Variants in TLE4 observed in about 807,000 individuals in gnomAD.
TLE4 encodes transducin-like enhancer protein 4.
In TLE4, 8 loss-of-function variants were observed where a neutral mutation model predicts 92.8. That is an observed-to-expected ratio of 0.09 (90% CI 0.05 to 0.16). The LOEUF is 0.16. Ranked by LOEUF, TLE4 falls within the 10% of genes least tolerant of loss-of-function variation. TLE4 has a pLI of 1.00. For missense variants in TLE4, 675 were observed against 997.6 expected, an observed-to-expected ratio of 0.68 and a Z score of 4.36; for synonymous variants, 371 against 374.1, an observed-to-expected ratio of 0.99 and a Z score of 0.10.
Position 79,722,994 on chromosome 9 carries a change from C to T in TLE4, c.2173C>T (p.Leu725=). Residue 725 remains leucine, a synonymous_variant, in exon 19 of 20, where the codon CTG becomes TTG. Transcript: ENST00000376552. ...WFVSTGKDNL[L]NAWRTPYGAS... ...TGTAAGCACTGGAAAGGACAACCTTCTGAATGCCTGGAGAACACCTTATGG... is the reference window on the plus strand; with the variant it reads ...TGTAAGCACTGGAAAGGACAACCTTTTGAATGCCTGGAGAACACCTTATGG... The T allele has an allele frequency of 6.2e-7, 1 of 1,614,212 alleles. No homozygotes were observed. Among genetic ancestry groups the T allele is most frequent in the Non-Finnish European group, 8.5e-7 (1 of 1,180,030 alleles).
At chr9:79,623,971 G>C (rs1449066576) in intron 5 of TLE4, among the ~76,000 whole-genome samples, 1 of 152,052 alleles carries the variant, frequency 6.6e-6, no homozygotes, top group Admixed American at 6.5e-5. Context: ...TCTGGTGCTA[G>C]TGCTGGCTTG....
chr9:79,648,044 C>G (rs1304375688), intron 6 of TLE4, among the ~76,000 whole-genome samples: 1 of 152,068 alleles, frequency 6.6e-6, no homozygotes, highest in African/African-American at 2.4e-5. Context: ...CCTAAACAGA[C>G]TAGTGTTGCG....
intron 6 of TLE4, among the ~76,000 whole-genome samples, chr9:79,630,997 T>A (rs73652222): frequency 1.2e-3 from 190 of 152,174 alleles, no homozygotes; most frequent in African/African-American, 4.5e-3. Flanking sequence ...ATGATAGAAA[T>A]GTATGCGTTT....
chr9:79,722,613 C>T lies in TLE4; in HGVS notation c.2137+12C>T. On this transcript the variant is annotated intron_variant, in intron 18 of 19. Transcript: ENST00000376552. ...GTTTGCCCATTGTGGTAAGCAAGCA[C>T]CTTTTGTCCATTTTCTGTCAACCAG... The T allele has an allele frequency of 1.2e-6, 2 of 1,611,778 alleles. No individual in the cohort carries two copies. The highest frequency in any genetic ancestry group is 1.7e-6 in the Non-Finnish European group (2 of 1,179,010).
chr9:79,612,613 T>C (rs2133070639), intron 4 of TLE4, 43 bp from the exon 5 acceptor site: 1 of 1,545,788 alleles, frequency 6.5e-7, no homozygotes, highest in Non-Finnish European at 8.9e-7. Context: ...TGTAACCAGC[T>C]GACTGTTCTC....
In TLE4 at chr9:79,702,573, C is replaced by T. The variant is rs147794231; in HGVS notation, c.610-2210C>T. 1.1e-3 allele frequency among the ~76,000 whole-genome samples: 162 copies of T among 152,336 alleles called. 1 individual carries two copies. The Middle Eastern group carries it at 0.058, about 54-fold the overall frequency. On this transcript the variant is annotated intron_variant, in intron 8 of 19. Transcript: ENST00000376552. ...CAAGAAGTAGTCCACTTTAAAAAAT[C>T]GTTTGGCTCGTAATGTTTTGTGTCA...
At chr9:79,649,110 T>C (rs557796706) in intron 6 of TLE4, among the ~76,000 whole-genome samples, 24 of 152,024 alleles carry the variant, frequency 1.6e-4, no homozygotes, top group Non-Finnish European at 2.8e-4. Flanking sequence ...GTGTGAGTGG[T>C]CCTCGGTTTT....
intron 8 of TLE4, chr9:79,671,183 G>T (rs2062267604): frequency 2.2e-6 from 1 of 449,832 alleles, no homozygotes; most frequent in Non-Finnish European, 4.5e-6. Flanking sequence ...CCTTGGCTGA[G>T]AATGTGACTT....
chr9:79,618,184 A>G (rs988573364), intron 5 of TLE4, among the ~76,000 whole-genome samples: 1 of 152,230 alleles, frequency 6.6e-6, no homozygotes, highest in Non-Finnish European at 1.5e-5. Flanking sequence ...GACAACTGCC[A>G]CTTGCTTCCA....
intron 5 of TLE4, among the ~76,000 whole-genome samples, chr9:79,614,802 A>AT (rs909520318): frequency 3.9e-5 from 6 of 151,950 alleles, no homozygotes; most frequent in African/African-American, 9.6e-5. Flanking sequence ...TTTCTTTGCA[A>AT]TTTTTTTTAA....
chr9:79,634,678 A>G (rs1474242042), intron 6 of TLE4, among the ~76,000 whole-genome samples: 1 of 152,150 alleles, frequency 6.6e-6, no homozygotes, highest in East Asian at 1.9e-4. Flanking sequence ...GCCCCCGCCA[A>G]CCATTGAAAA....
intron 4 of TLE4, among the ~76,000 whole-genome samples, chr9:79,599,487 C>T (rs2045012153): frequency 6.6e-6 from 1 of 152,182 alleles, no homozygotes; most frequent in African/African-American, 2.4e-5. Flanking sequence ...GGGCTAGAAA[C>T]TACTGACAAG....
chr9:79,673,908 T>C (rs911904745), intron 8 of TLE4, among the ~76,000 whole-genome samples: 78 of 152,110 alleles, frequency 5.1e-4, no homozygotes, highest in Non-Finnish European at 8.4e-4. Flanking sequence ...CTCCATGCCT[T>C]CCTGGGGGGT....
rs190357586 is a variant in TLE4, at chr9:79,587,779, C to T, written c.252+11602C>T. On this transcript the variant is annotated intron_variant, in intron 4 of 19. Coordinates refer to ENST00000376552, the MANE Select transcript of TLE4 (RefSeq NM_007005.6). Reference sequence around the variant, plus strand: ...TAGGCTAAGAGCACATCAGTAAGTACATATAGTTAACAGATTTTTCATATG... The same window carrying T: ...TAGGCTAAGAGCACATCAGTAAGTATATATAGTTAACAGATTTTTCATATG... 8.3e-4 allele frequency among the ~76,000 whole-genome samples: 127 copies of T among 152,240 alleles called. 2 individuals carry two copies. Among genetic ancestry groups the T allele is most frequent in the African/African-American group, 2.8e-3 (117 of 41,546 alleles).
At chr9:79,602,512 C>G (rs960206242) in intron 4 of TLE4, among the ~76,000 whole-genome samples, 9 of 152,206 alleles carry the variant, frequency 5.9e-5, no homozygotes, top group Admixed American at 3.9e-4. Context: ...TCTACCCTGC[C>G]TGTGTTCTAT....
At chr9:79,613,558 T>G (rs1244915824) in intron 5 of TLE4, among the ~76,000 whole-genome samples, 2 of 152,160 alleles carry the variant, frequency 1.3e-5, no homozygotes, top group Non-Finnish European at 2.9e-5. Flanking sequence ...AGATCCACTC[T>G]AAGAAGGAAG....
intron 4 of TLE4, among the ~76,000 whole-genome samples, chr9:79,589,731 C>G (rs956239990): frequency 6.6e-6 from 1 of 152,150 alleles, no homozygotes; most frequent in Non-Finnish European, 1.5e-5. Flanking sequence ...TAACCATTCT[C>G]CTGAGACACC....
chr9:79,583,785 T>G (rs995226125), intron 4 of TLE4, among the ~76,000 whole-genome samples: 2 of 152,198 alleles, frequency 1.3e-5, no homozygotes, highest in African/African-American at 4.8e-5. Context: ...TTATAAGCAC[T>G]AGTACTCTGT....
At chr9:79,601,381 G>A (rs1354865884) in intron 4 of TLE4, 1 of 456,646 alleles carries the variant, frequency 2.2e-6, no homozygotes, top group South Asian at 1.5e-5. Flanking sequence ...GGCATACCTT[G>A]TTTTACTGGG....
Sources: gnomAD v4.1 joint callset for allele counts (sites outside exome capture counted in the v4.1 genomes callset) on GRCh38, gnomAD v4.1.1 for gene constraint, MANE v1.5 for transcripts, NCBI Gene and HGNC (gene_info 2026-07-23, HGNC 2026-07-21) for gene names.